PLAA: variants seen among roughly 807,000 people sequenced by gnomAD.
PLAA encodes the protein phospholipase A-2-activating protein.
Under a neutral mutation model 84.1 loss-of-function variants are expected in PLAA, and 48 were observed. The ratio of observed to expected loss-of-function variants is 0.57; its 90% CI spans 0.45 to 0.73. The LOEUF is 0.73. PLAA is among the 30% of genes least tolerant of loss of function. The probability of loss-of-function intolerance (pLI) is 0.00; values close to 1 mark genes in which losing one functional copy is unlikely to be tolerated. For synonymous variants in PLAA, 392 were observed against 336.6 expected (o/e 1.16, Z -1.80); for missense variants, 903 against 954.7 (o/e 0.95, Z 0.71).
intron 10 of PLAA, among the ~76,000 whole-genome samples, chr9:26,915,441 AAAG>A (rs1824518045): frequency 6.6e-6 from 1 of 152,330 alleles, no homozygotes; most frequent in East Asian, 1.9e-4. Context: ...TAAGGAAAAG[AAAG>A]AAGAATTAAG....
intron 1 of PLAA, among the ~76,000 whole-genome samples, chr9:26,944,696 G>A (rs957222928): frequency 2.0e-5 from 3 of 152,220 alleles, no homozygotes; most frequent in African/African-American, 7.2e-5. Context: ...GGACAAGCTT[G>A]CTAACCTAAC....
At chr9:26,938,296 C>A (rs1825422848) in intron 1 of PLAA, among the ~76,000 whole-genome samples, 1 of 152,066 alleles carries the variant, frequency 6.6e-6, no homozygotes, top group Admixed American at 6.6e-5. Flanking sequence ...CCGCTTGAGC[C>A]CAGAAGTTGG....
At chr9:26,916,875 G>A (rs1824580308) in intron 10 of PLAA, among the ~76,000 whole-genome samples, 1 of 152,058 alleles carries the variant, frequency 6.6e-6, no homozygotes, top group Admixed American at 6.6e-5. Flanking sequence ...AGAAAACAAT[G>A]AATTCTAATA....
At chr9:26,913,485 AGAGAT>A (rs1221590812) in intron 11 of PLAA, among the ~76,000 whole-genome samples, 1 of 152,240 alleles carries the variant, frequency 6.6e-6, no homozygotes, top group Non-Finnish European at 1.5e-5. Flanking sequence ...TTAAGAATGA[AGAGAT>A]GAGAATAAAC....
At chr9:26,914,098 CTTAGAA>C (rs1460268639) in intron 10 of PLAA, 151 bp from the exon 11 acceptor site, 10 of 574,568 alleles carry the variant, frequency 1.7e-5, no homozygotes, top group Non-Finnish European at 3.1e-5. Context: ...CAGAAAAGTG[CTTAGAA>C]CAGTGCCTGA....
At chr9:26,908,043 G>A (rs765032509) in intron 12 of PLAA, 45 bp from the exon 13 acceptor site, 45 of 1,443,910 alleles carry the variant, frequency 3.1e-5, no homozygotes, top group Non-Finnish European at 4.0e-5. Flanking sequence ...ACTGTAATTG[G>A]CCAGATAATA....
chr9:26,946,251 G>A (rs7039400), intron 1 of PLAA, among the ~76,000 whole-genome samples: 16,501 of 151,782 alleles, frequency 0.11, 1,033 homozygotes, highest in South Asian at 0.23. Context: ...GATCAGGACT[G>A]ATTCCTAACC....
chr9:26,921,775 C>T (rs541574076), intron 7 of PLAA, among the ~76,000 whole-genome samples: 41 of 152,240 alleles, frequency 2.7e-4, no homozygotes, highest in African/African-American at 7.5e-4. Context: ...CAATAACTTA[C>T]GCAGATCTTC....
rs150112670 is a variant in PLAA, at chr9:26,921,371, T to A, written c.1040-987A>T. Among the ~76,000 whole-genome samples the A allele has an allele frequency of 7.3e-3, 1,108 of 152,340 alleles. 14 individuals carry two copies. The highest frequency in any genetic ancestry group is 0.012 in the Non-Finnish European group (784 of 68,036). On this transcript the variant is annotated intron_variant, in intron 7 of 13. Coordinates refer to ENST00000397292, the MANE Select transcript of PLAA (RefSeq NM_001031689.3). The stretch of plus-strand genomic sequence containing the variant: ...GACTACATTATCTAGTCCCCTTGCA[T>A]TGGGCAGTCACATGATGTCACATTA...
intron 8 of PLAA, 70 bp from the exon 9 acceptor site, chr9:26,919,599 A>G (rs1824689093): frequency 6.1e-6 from 5 of 822,920 alleles, no homozygotes; most frequent in South Asian, 4.8e-5. Context: ...CATATACAAC[A>G]TAACACAGAT....
At chr9:26,926,998 TTG>T (rs1343854836) in intron 4 of PLAA, among the ~76,000 whole-genome samples, 1 of 152,108 alleles carries the variant, frequency 6.6e-6, no homozygotes, top group African/African-American at 2.4e-5. Flanking sequence ...TCAGTATCTG[TTG>T]ACTTAAGAGT....
chr9:26,926,290 T>C, intron 5 of PLAA, 103 bp downstream of exon 5: 1 of 738,694 alleles, frequency 1.4e-6, no homozygotes, highest in Non-Finnish European at 2.2e-6. Context: ...ATTCAAGTCA[T>C]AGATAGTAAA....
intron 1 of PLAA, among the ~76,000 whole-genome samples, chr9:26,943,063 G>A (rs948987004): frequency 3.3e-5 from 5 of 152,000 alleles, no homozygotes; most frequent in African/African-American, 1.2e-4. Flanking sequence ...AGCATGGGTC[G>A]TTTTTCAAAA....
At chr9:26,920,793 T>C (rs1202887151) in intron 7 of PLAA, among the ~76,000 whole-genome samples, 3 of 152,194 alleles carry the variant, frequency 2.0e-5, no homozygotes, top group Non-Finnish European at 4.4e-5. Flanking sequence ...CTTCAGCTAC[T>C]GCTATCAGCT....
intron 12 of PLAA, among the ~76,000 whole-genome samples, chr9:26,908,801 A>G (rs1359169483): frequency 6.6e-6 from 1 of 152,276 alleles, no homozygotes; most frequent in East Asian, 1.9e-4. Context: ...TCAAAGCAGT[A>G]TCATGTGTAA....
Position 26,947,087 on chromosome 9 carries a change from A to T in PLAA, c.-42T>A. The T allele has an allele frequency of 1.3e-6, 2 of 1,482,368 alleles. No homozygotes were observed. The highest frequency in any genetic ancestry group is 1.8e-6 in the Non-Finnish European group (2 of 1,114,638). 91.8% of individuals were successfully genotyped at this position (1,482,368 alleles called of 1,614,324 possible). A position where few individuals can be genotyped will look rare whatever the true frequency, so the allele number is the denominator to read the frequency against. On this transcript the variant is annotated 5_prime_UTR_variant, in exon 1 of 14. Coordinates refer to ENST00000397292, the MANE Select transcript of PLAA (RefSeq NM_001031689.3). Reference sequence around the variant, plus strand: ...GCGCCCGGTGCCCAGGCACTGTGCGAGACCAGTCCGCAGGGGCGACTCGGA... The same window carrying T: ...GCGCCCGGTGCCCAGGCACTGTGCGTGACCAGTCCGCAGGGGCGACTCGGA...
rs977506004 is a variant in PLAA at position 26,904,933 on chromosome 9, A to T, written c.*578T>A. ...CAGCTTACCAACTGGCTTTTTCTTC[A>T]TCTAAAAATAGGCCATTAAACAAAT... is the stretch of plus-strand genomic sequence containing the variant. On this transcript the variant is annotated 3_prime_UTR_variant, in exon 14 of 14. Transcript: ENST00000397292. 6.6e-6 allele frequency: 1 copy of T among 152,136 alleles called. No homozygotes were observed. The highest frequency in any genetic ancestry group is 1.5e-5 in the Non-Finnish European group (1 of 67,992). The allele number at this position is 152,136 out of a possible 1,614,324, so 9.4% of individuals were successfully genotyped here.
intron 6 of PLAA, among the ~76,000 whole-genome samples, chr9:26,925,342 T>C (rs1231532668): frequency 6.6e-6 from 1 of 152,220 alleles, no homozygotes; most frequent in African/African-American, 2.4e-5. Flanking sequence ...TTCTCCACAG[T>C]TAAGCCCCAT....
chr9:26,945,253 T>C (rs1825654966), intron 1 of PLAA, among the ~76,000 whole-genome samples: 1 of 152,196 alleles, frequency 6.6e-6, no homozygotes, highest in African/African-American at 2.4e-5. Context: ...CTTGTCAAAC[T>C]AGTACAGTCC....
Sources: gnomAD v4.1 joint callset for allele counts (sites outside exome capture counted in the v4.1 genomes callset) on GRCh38, gnomAD v4.1.1 for gene constraint, MANE v1.5 for transcripts, NCBI Gene and HGNC (gene_info 2026-07-23, HGNC 2026-07-21) for gene names.